Variants in MTPN observed in about 807,000 individuals in gnomAD.
MTPN encodes granule cell differentiation protein.
In MTPN, 2 loss-of-function variants were observed where a neutral mutation model predicts 13.5. The observed-to-expected ratio is 0.15, with a 90% CI of 0.06 to 0.47. The LOEUF is 0.47. Among genes scored for constraint, MTPN ranks in the 20% least tolerant of loss-of-function variants. MTPN has a pLI of 0.97. For synonymous variants in MTPN, 46 were observed against 51.7 expected (o/e 0.89, Z 0.48); for missense variants, 79 against 137.9 (o/e 0.57, Z 2.14).
At chr7:135,967,642 T>C (rs1799626435) in intron 1 of MTPN, among the ~76,000 whole-genome samples, 2 of 152,194 alleles carry the variant, frequency 1.3e-5, no homozygotes, top group Non-Finnish European at 2.9e-5. Context: ...AACAAATTTA[T>C]GAGGATGCTG....
In MTPN at chr7:135,955,549, G is replaced by C. The variant is rs1179985040; in HGVS notation, c.73-3919C>G. On this transcript the variant is annotated intron_variant, in intron 1 of 3. Transcript: ENST00000393085. ...ACCCACTCTTCCCGAAAATGGAAGC[G>C]ATGGGATGTTATCTCAACTCATTCT... Among the ~76,000 whole-genome samples, 3 of 152,156 alleles carry C rather than the reference G, an allele frequency of 2.0e-5. No individual in the cohort carries two copies. The East Asian group carries it at 5.8e-4, about 29-fold the overall frequency.
At chr7:135,930,839 T>C (rs979951796) in intron 3 of MTPN, among the ~76,000 whole-genome samples, 2 of 152,136 alleles carry the variant, frequency 1.3e-5, no homozygotes, top group Non-Finnish European at 2.9e-5. Flanking sequence ...CATCTGAGGG[T>C]TCTGTTTACC....
intron 3 of MTPN, among the ~76,000 whole-genome samples, chr7:135,934,423 C>T (rs1167001676): frequency 1.3e-5 from 2 of 152,112 alleles, no homozygotes; most frequent in Admixed American, 6.5e-5. Context: ...AAGTCCACAG[C>T]AAGTGGCTTC....
At chr7:135,930,077 G>C in intron 3 of MTPN, 65 bp from the exon 4 acceptor site, 1 of 1,338,246 alleles carries the variant, frequency 7.5e-7, no homozygotes, top group South Asian at 1.2e-5. Context: ...TGTAAGACTA[G>C]CTCACATGGC....
At chr7:135,954,984 C>T (rs1217015591) in intron 1 of MTPN, among the ~76,000 whole-genome samples, 1 of 152,116 alleles carries the variant, frequency 6.6e-6, no homozygotes, top group Non-Finnish European at 1.5e-5. Flanking sequence ...ACTCTTAATA[C>T]CAGTGCAAAA....
chr7:135,977,300 GCCACCGGGCCCAGCAGAGAGGTT>G lies in MTPN; in HGVS notation c.-223_-201del. The G allele has an allele frequency of 1.6e-6, 1 of 607,018 alleles. No individual in the cohort carries two copies. The highest frequency in any genetic ancestry group is 1.9e-5 in the South Asian group (1 of 53,042). 37.6% of individuals were successfully genotyped at this position (607,018 alleles called of 1,614,324 possible). A position where few individuals can be genotyped will look rare whatever the true frequency, so the allele number is the denominator to read the frequency against. On this transcript the variant is annotated 5_prime_UTR_variant, in exon 1 of 4. Coordinates refer to ENST00000393085, the MANE Select transcript of MTPN (RefSeq NM_145808.4). ...GCGGGAGAAAGAAAGTTCTTTTGCG[GCCACCGGGCCCAGCAGAGAGGTT>G]CCGCCTGGCCGAGGAGAGGCAGGAA...
rs199654781 is a variant in MTPN at position 135,954,680 on chromosome 7, C to A, written c.73-3050G>T. Among the ~76,000 whole-genome samples the A allele has an allele frequency of 1.6e-4, 25 of 152,284 alleles. No homozygotes were observed. The East Asian group carries it at 4.4e-3, about 27-fold the overall frequency. ...CTTCAGGGCTGGGCACGGTGGCTCA[C>A]GCCTGTAATCCTAGCACTTTGGGAG... is the stretch of plus-strand genomic sequence containing the variant. On this transcript the variant is annotated intron_variant, in intron 1 of 3. Transcript: ENST00000393085.
chr7:135,944,773 T>C (rs1333690218), intron 3 of MTPN, among the ~76,000 whole-genome samples: 1 of 152,238 alleles, frequency 6.6e-6, no homozygotes, highest in African/African-American at 2.4e-5. Flanking sequence ...TCCAATTATA[T>C]GTAACTGTGA....
chr7:135,930,121 C>T (rs1798994911), intron 3 of MTPN, 109 bp from the exon 4 acceptor site: 1 of 935,820 alleles, frequency 1.1e-6, no homozygotes, highest in Non-Finnish European at 1.7e-6. Context: ...ATTAAAAATT[C>T]CTTTACTAGT....
chr7:135,937,856 T>C (rs890528916), intron 3 of MTPN, among the ~76,000 whole-genome samples: 3 of 152,160 alleles, frequency 2.0e-5, no homozygotes, highest in Non-Finnish European at 4.4e-5. Flanking sequence ...ACTTAATGAA[T>C]AGTAAATGTA....
chr7:135,972,217 A>ACG (rs1211441246), intron 1 of MTPN, among the ~76,000 whole-genome samples: 4 of 83,568 alleles, frequency 4.8e-5, no homozygotes, highest in African/African-American at 9.3e-5. Context: ...ACACGCGCAC[A>ACG]CGCGCACGCG....
At chr7:135,951,346 A>T (rs1280126341) in intron 2 of MTPN, among the ~76,000 whole-genome samples, 171 bp downstream of exon 2, 1 of 152,210 alleles carries the variant, frequency 6.6e-6, no homozygotes, top group Non-Finnish European at 1.5e-5. Flanking sequence ...GCTTATTTTT[A>T]AAAATCCCAC....
intron 1 of MTPN, 151 bp downstream of exon 1, chr7:135,976,878 C>T: frequency 1.4e-6 from 1 of 731,238 alleles, no homozygotes; most frequent in Non-Finnish European, 2.4e-6. Context: ...TAGCTCCTCC[C>T]TAGACGCCCC....
chr7:135,941,637 T>G (rs941583102), intron 3 of MTPN, among the ~76,000 whole-genome samples: 1 of 152,184 alleles, frequency 6.6e-6, no homozygotes, highest in African/African-American at 2.4e-5. Context: ...TTATTCCTTA[T>G]TTGAACACAG....
intron 3 of MTPN, among the ~76,000 whole-genome samples, chr7:135,940,483 C>T (rs924787928): frequency 2.4e-4 from 36 of 152,046 alleles, no homozygotes; most frequent in Non-Finnish European, 4.6e-4. Flanking sequence ...TTACATTTTT[C>T]GTAGCAGTTT....
intron 1 of MTPN, among the ~76,000 whole-genome samples, chr7:135,976,272 C>T (rs1056524624): frequency 6.6e-6 from 1 of 152,204 alleles, no homozygotes; most frequent in African/African-American, 2.4e-5. Context: ...CCCAAATACA[C>T]TGCCACTAAA....
Position 135,930,014 on chromosome 7 carries a change from T to C in MTPN, c.271-2A>G. ...GCCTTTCACAGTCTTATCAGCACCC[T>C]GGAAAAGAGAGGAAAGGGCTCATTA... On this transcript the variant is annotated splice_acceptor_variant, in intron 3 of 3. Transcript: ENST00000393085. LOFTEE classifies it high-confidence loss of function. The C allele has an allele frequency of 6.2e-7, 1 of 1,610,988 alleles. No homozygotes were observed.
At chr7:135,950,460 G>A in intron 3 of MTPN, 139 bp downstream of exon 3, 6 of 685,590 alleles carry the variant, frequency 8.8e-6, no homozygotes, top group Middle Eastern at 3.3e-4. Flanking sequence ...GCTATTTTGA[G>A]TAACACTACA....
At chr7:135,940,376 T>C (rs962088246) in intron 3 of MTPN, among the ~76,000 whole-genome samples, 3 of 152,210 alleles carry the variant, frequency 2.0e-5, no homozygotes, top group Non-Finnish European at 4.4e-5. Flanking sequence ...ATATTTAATT[T>C]ACATATTGAT....
Sources: allele counts gnomAD v4.1 joint callset (sites outside exome capture counted in the v4.1 genomes callset), GRCh38; gene constraint gnomAD v4.1.1; transcripts MANE v1.5; gene names NCBI Gene and HGNC (gene_info 2026-07-23, HGNC 2026-07-21).